Variants in PDE3A observed in about 807,000 individuals in gnomAD.
The protein encoded by PDE3A is cGMP-inhibited 3',5'-cyclic phosphodiesterase 3A.
Under a neutral mutation model 98.3 loss-of-function variants are expected in PDE3A, and 43 were observed. The ratio of observed to expected loss-of-function variants is 0.44; its 90% CI spans 0.34 to 0.56. The LOEUF (loss-of-function observed/expected upper bound fraction) is 0.56. PDE3A is among the 20% of genes least tolerant of loss of function. The probability of loss-of-function intolerance (pLI) is 0.01; values close to 1 mark genes in which losing one functional copy is unlikely to be tolerated. For missense variants in PDE3A, 1,427 were observed against 1,440.7 expected (o/e 0.99, Z 0.15); for synonymous variants, 663 against 567.9 (o/e 1.17, Z -2.38).
intron 1 of PDE3A, among the ~76,000 whole-genome samples, chr12:20,478,999 T>G (rs1047033742): frequency 4.6e-5 from 7 of 152,204 alleles, no homozygotes; most frequent in Non-Finnish European, 8.8e-5. Flanking sequence ...TTTGTGACAT[T>G]TTTCAACATT....
intron 1 of PDE3A, among the ~76,000 whole-genome samples, chr12:20,534,368 C>T (rs768582658): frequency 1.3e-5 from 2 of 152,182 alleles, no homozygotes; most frequent in African/African-American, 2.4e-5. Flanking sequence ...GTCCTTCAAC[C>T]TTTGCTTGTG....
At chr12:20,671,705 T>C (rs1292200388) in intron 15 of PDE3A, among the ~76,000 whole-genome samples, 1 of 144,666 alleles carries the variant, frequency 6.9e-6, no homozygotes, top group Non-Finnish European at 1.5e-5. Flanking sequence ...TATTTCAAAA[T>C]AATAAGAGCT....
chr12:20,459,874 G>T (rs558671843), intron 1 of PDE3A, among the ~76,000 whole-genome samples: 5 of 152,264 alleles, frequency 3.3e-5, no homozygotes, highest in African/African-American at 1.2e-4. Context: ...GAGAGAAAGG[G>T]CTGTTATCCA....
intron 4 of PDE3A, among the ~76,000 whole-genome samples, chr12:20,621,013 A>G (rs888519624): frequency 1.3e-5 from 2 of 152,050 alleles, no homozygotes; most frequent in African/African-American, 4.8e-5. Context: ...GTACAGTGAG[A>G]AGGTGTTTAA....
rs1000747722 is a variant in PDE3A, at chr12:20,681,902, C to G, written c.*1631C>G. ...TTTTTGTTTCTGTAGATAGTAAACT[C>G]TTTTTTTAAAAAAGGAAAAGGGAAA... On this transcript the variant is annotated 3_prime_UTR_variant, in exon 16 of 16. Transcript: ENST00000359062. 5 of 151,708 alleles carry G rather than the reference C, an allele frequency of 3.3e-5. No individual in the cohort carries two copies. Among genetic ancestry groups the G allele is most frequent in the African/African-American group, 1.2e-4 (5 of 41,366 alleles). The allele number at this position is 151,708 out of a possible 1,614,324, so 9.4% of individuals were successfully genotyped here.
At chr12:20,570,160 T>G (rs1362031984) in intron 2 of PDE3A, among the ~76,000 whole-genome samples, 2 of 151,920 alleles carry the variant, frequency 1.3e-5, no homozygotes, top group African/African-American at 4.8e-5. Flanking sequence ...GTAATCCCAG[T>G]GCTTTGGGAG....
chr12:20,666,100 T>C (rs1355019644), intron 15 of PDE3A, among the ~76,000 whole-genome samples: 1 of 151,532 alleles, frequency 6.6e-6, no homozygotes, highest in African/African-American at 2.4e-5. Context: ...CCCAAGTAGC[T>C]AGGACAGGCA....
chr12:20,650,267 T>A (rs1216637191), intron 13 of PDE3A, among the ~76,000 whole-genome samples, 178 bp from the exon 14 acceptor site: 7 of 152,232 alleles, frequency 4.6e-5, no homozygotes, highest in African/African-American at 1.2e-4. Context: ...TTTTGTGAAC[T>A]ATTTTTACCA....
intron 1 of PDE3A, among the ~76,000 whole-genome samples, chr12:20,416,559 T>G (rs539460098): frequency 1.1e-4 from 16 of 152,304 alleles, no homozygotes; most frequent in African/African-American, 3.1e-4. Flanking sequence ...GCAGTTACTT[T>G]AAAGTACTCC....
intron 1 of PDE3A, among the ~76,000 whole-genome samples, chr12:20,513,060 C>T (rs1367750610): frequency 6.6e-6 from 1 of 152,040 alleles, no homozygotes; most frequent in African/African-American, 2.4e-5. Flanking sequence ...CAAAGGCCTG[C>T]TCCTCTTCTG....
At chr12:20,545,954 T>C (rs1942045357) in intron 1 of PDE3A, among the ~76,000 whole-genome samples, 1 of 151,990 alleles carries the variant, frequency 6.6e-6, no homozygotes, top group South Asian at 2.1e-4. Context: ...GCTAATACAT[T>C]GTAGAGTGGG....
rs191716797 is a variant in PDE3A at position 20,539,592 on chromosome 12, A to T, written c.961-17068A>T. ...TTAATAAAACCCAGCACCTAATACC[A>T]TGCTTGGTGCAGGATAGGTGCTCAG... On this transcript the variant is annotated intron_variant, in intron 1 of 15. Transcript: ENST00000359062. 8.5e-5 allele frequency among the ~76,000 whole-genome samples: 13 copies of T among 152,262 alleles called. No individual in the cohort carries two copies. In the East Asian group the frequency reaches 1.7e-3, roughly 20 times the overall value.
chr12:20,674,618 T>G (rs1043354125), intron 15 of PDE3A, among the ~76,000 whole-genome samples: 33 of 152,172 alleles, frequency 2.2e-4, no homozygotes, highest in Admixed American at 1.8e-3. Flanking sequence ...TTATTGCTGA[T>G]TTAATCTGAT....
At chr12:20,561,012 C>G (rs1162151359) in intron 2 of PDE3A, among the ~76,000 whole-genome samples, 2 of 140,552 alleles carry the variant, frequency 1.4e-5, no homozygotes, top group Non-Finnish European at 3.0e-5. Flanking sequence ...CTTGTAATCC[C>G]GGCACTTTGG....
intron 1 of PDE3A, among the ~76,000 whole-genome samples, chr12:20,468,232 GCTTT>G (rs1034077407): frequency 4.6e-5 from 7 of 151,996 alleles, no homozygotes; most frequent in African/African-American, 7.2e-5. Context: ...TCAGAATCAT[GCTTT>G]CTTTCTTTTT....
At chr12:20,443,629 C>T (rs1271912408) in intron 1 of PDE3A, among the ~76,000 whole-genome samples, 1 of 151,898 alleles carries the variant, frequency 6.6e-6, no homozygotes, top group Non-Finnish European at 1.5e-5. Context: ...TGTATAGGTC[C>T]CTTTGCTTTC....
intron 1 of PDE3A, among the ~76,000 whole-genome samples, chr12:20,372,773 A>G (rs1289928436): frequency 6.6e-6 from 1 of 152,176 alleles, no homozygotes; most frequent in Non-Finnish European, 1.5e-5. Context: ...GACAATACTC[A>G]TAGGCAACAA....
chr12:20,390,055 C>A (rs1207282740), intron 1 of PDE3A, among the ~76,000 whole-genome samples: 1 of 151,752 alleles, frequency 6.6e-6, no homozygotes, highest in East Asian at 1.9e-4. Context: ...AAGAGCTGGA[C>A]ATCAGGTGTG....
In PDE3A at chr12:20,552,123, T is replaced by C; in HGVS notation, c.961-4537T>C. The C allele has an allele frequency of 6.2e-7, 1 of 1,613,408 alleles. No homozygotes were observed. ...AGAGGACCGCGGAACAGTCTTGTGA[T>C]CAGAAACTCACCAACACCAACAGGG... On this transcript the variant is annotated intron_variant, in intron 1 of 15. Transcript: ENST00000359062. The surrounding 1 kb of genome is among the most constrained non-coding windows in gnomAD (Gnocchi z 5.1).
Sources: gnomAD v4.1 joint callset for allele counts (sites outside exome capture counted in the v4.1 genomes callset) on GRCh38, gnomAD v4.1.1 for gene constraint, Gnocchi (gnomAD v3.1) non-coding constraint, MANE v1.5 for transcripts, NCBI Gene and HGNC (gene_info 2026-07-23, HGNC 2026-07-21) for gene names.